CCDC28B: variants seen among roughly 807,000 people sequenced by gnomAD.
CCDC28B encodes the protein coiled-coil domain-containing protein 28B.
In CCDC28B, 17 loss-of-function variants were observed where a neutral mutation model predicts 18.7. The observed-to-expected ratio is 0.91, with a 90% CI of 0.62 to 1.36. The LOEUF is 1.36. CCDC28B is among the 40% of genes most tolerant of loss of function. The probability of loss-of-function intolerance (pLI) is 0.00; values close to 1 mark genes in which losing one functional copy is unlikely to be tolerated. For synonymous variants in CCDC28B, 116 were observed against 105.1 expected, an observed-to-expected ratio of 1.10 and a Z score of -0.64; for missense variants, 213 against 251.7, an observed-to-expected ratio of 0.85 and a Z score of 1.04.
At position 32,203,981 on chromosome 1, in the gene CCDC28B, T is replaced by C; in HGVS notation, c.267T>C (p.Tyr89=). Residue 89 remains tyrosine, a synonymous_variant, in exon 3 of 6, where the codon TAT becomes TAC. Transcript: ENST00000373602. ...TCCTGACCGAGGTGACTGATGTCTATGAGATGGAGGGGGGACTCCTGAACC... is the reference window on the plus strand; with the variant it reads ...TCCTGACCGAGGTGACTGATGTCTACGAGATGGAGGGGGGACTCCTGAACC... The part of the protein sequence containing the change: ...HSFLTEVTDV[Y]EMEGGLLNLL... 1 of 1,574,022 alleles carries C rather than the reference T, an allele frequency of 6.4e-7. No homozygotes were observed. The highest frequency in any genetic ancestry group is 8.6e-7 in the Non-Finnish European group (1 of 1,159,684).
chr1:32,203,459 A>G (rs1643203787), intron 2 of CCDC28B, among the ~76,000 whole-genome samples: 1 of 152,178 alleles, frequency 6.6e-6, no homozygotes, highest in African/African-American at 2.4e-5. Flanking sequence ...TCTGTCTCAA[A>G]AAACAAAAAA....
At chr1:32,198,826 CA>C (rs892027326), upstream of CCDC28B, among the ~76,000 whole-genome samples, 11 of 152,038 alleles carry the variant, frequency 7.2e-5, no homozygotes, top group Admixed American at 7.2e-4. Context: ...ATCCAGAGGG[CA>C]GGGGGGGCAA....
At chr1:32,202,556 GT>G in intron 2 of CCDC28B, 1 of 345,914 alleles carries the variant, frequency 2.9e-6, no homozygotes, top group Non-Finnish European at 5.7e-6. Context: ...CTTATAATGT[GT>G]CCATGTTTGT....
Position 32,204,768 on chromosome 1 carries a change from G to A in CCDC28B, c.548+148G>A, listed in dbSNP as rs772284698. On this transcript the variant is annotated intron_variant, in intron 5 of 5. Coordinates refer to ENST00000373602, the MANE Select transcript of CCDC28B (RefSeq NM_024296.5). ...TTAGCCACAGACTGCCCAAACCCAG[G>A]TACAGGAATTTAGAATTTCCCCAAA... 5.6e-6 allele frequency: 9 copies of A among 1,612,432 alleles called. No individual in the cohort carries two copies. The East Asian group carries it at 2.0e-4, about 36-fold the overall frequency.
Position 32,205,119 on chromosome 1 carries a change from T to G in CCDC28B, c.549-75T>G. On this transcript the variant is annotated intron_variant, in intron 5 of 5. Coordinates refer to ENST00000373602, the MANE Select transcript of CCDC28B (RefSeq NM_024296.5). This position sits in a 1 kb window ranked among gnomAD's most constrained non-coding sequence, Gnocchi z 5.6. ...CGGCCCTTTGCACAGGTGAGGGAAC[T>G]AAACCTGTGCAAGATGGGAGACCGG... 1.3e-6 allele frequency: 2 copies of G among 1,572,580 alleles called. No homozygotes were observed. The highest frequency in any genetic ancestry group is 2.3e-5 in the South Asian group (2 of 88,544).
In CCDC28B at chr1:32,203,881, T is replaced by G. The variant is rs574977655; in HGVS notation, c.167T>G (p.Val56Gly). Reference protein sequence around the residue: ...SPKQRAKFKRVGKEKCRPVLA... With the variant: ...SPKQRAKFKRGGKEKCRPVLA... Reference sequence around the variant, plus strand: ...ATGGTCATGTCCACCCCACCCAGAGTAGGCAAAGAGAAGTGCCGCCCAGTC... The same window carrying G: ...ATGGTCATGTCCACCCCACCCAGAGGAGGCAAAGAGAAGTGCCGCCCAGTC... Residue 56 changes from valine (V) to glycine (G), a missense_variant and splice_region_variant, in exon 3 of 6, where the codon GTA (valine) becomes GGA (glycine). Val to Gly is a moderately radical substitution (Grantham distance 109). Transcript: ENST00000373602. The G allele has an allele frequency of 2.6e-5, 39 of 1,496,144 alleles. No individual in the cohort carries two copies. In the South Asian group the frequency reaches 4.5e-4, roughly 17 times the overall value. The allele number at this position is 1,496,144 out of a possible 1,614,324, so 92.7% of individuals were successfully genotyped here.
upstream of CCDC28B, among the ~76,000 whole-genome samples, chr1:32,199,426 G>T (rs773271440): frequency 1.5e-4 from 23 of 152,126 alleles, no homozygotes; most frequent in Non-Finnish European, 1.5e-5. Flanking sequence ...TGAGAATAAT[G>T]AGGTTTCTGA....
At chr1:32,196,115 T>C (rs1643019892), upstream of CCDC28B, 1 of 158,996 alleles carries the variant, frequency 6.3e-6, no homozygotes, top group South Asian at 1.6e-4. Flanking sequence ...ACCACCCCAC[T>C]TGGCTCCTTT....
chr1:32,203,470 AAAG>A (rs1370326053), intron 2 of CCDC28B, among the ~76,000 whole-genome samples: 1 of 152,306 alleles, frequency 6.6e-6, no homozygotes, highest in South Asian at 2.1e-4. Flanking sequence ...AAACAAAAAA[AAAG>A]AAGAGGGGCA....
rs758497353 is a variant in CCDC28B at position 32,205,152 on chromosome 1, G to A, written c.549-42G>A. The A allele has an allele frequency of 5.7e-5, 91 of 1,609,812 alleles. 1 individual carries two copies. The highest frequency in any genetic ancestry group is 4.4e-5 in the Non-Finnish European group (52 of 1,177,396). On this transcript the variant is annotated intron_variant, in intron 5 of 5. Transcript: ENST00000373602. The surrounding 1 kb of genome is among the most constrained non-coding windows in gnomAD (Gnocchi z 5.6). ...TGCAAGATGGGAGACCGGGGTGGGA[G>A]GAAGGACTGGTCCAAAGCGCCACGA...
upstream of CCDC28B, among the ~76,000 whole-genome samples, chr1:32,199,227 T>G (rs1006295909): frequency 6.6e-6 from 1 of 152,176 alleles, no homozygotes; most frequent in Admixed American, 6.6e-5. Flanking sequence ...CCACCTGCCC[T>G]TCCCTCCAGG....
chr1:32,196,954 C>T (rs1407271681), upstream of CCDC28B: 1 of 152,264 alleles, frequency 6.6e-6, no homozygotes, highest in Non-Finnish European at 1.5e-5. Context: ...TCTGGTGTAT[C>T]CTTCACATCT....
intron 5 of CCDC28B, chr1:32,204,926 C>T: frequency 7.0e-7 from 1 of 1,430,938 alleles, no homozygotes; most frequent in South Asian, 1.5e-5. Flanking sequence ...ATTATTTTTA[C>T]TAATTTACAC....
At chr1:32,199,463 G>A (rs1370119701), upstream of CCDC28B, among the ~76,000 whole-genome samples, 1 of 152,168 alleles carries the variant, frequency 6.6e-6, no homozygotes, top group Non-Finnish European at 1.5e-5. Flanking sequence ...CTGAGGATGG[G>A]AACCACAGGG....
At chr1:32,199,850 G>A (rs752353340), upstream of CCDC28B, among the ~76,000 whole-genome samples, 12 of 152,306 alleles carry the variant, frequency 7.9e-5, no homozygotes, top group South Asian at 2.1e-4. Flanking sequence ...GGGGACCTGC[G>A]CCAGGAGCCT....
chr1:32,205,072 G>A lies in CCDC28B; in HGVS notation c.549-122G>A, dbSNP rs1024386880. ...GCGGGGACTGCAACCTCAGTCCACA[G>A]ACGGCCCGAGACCCTCGTCCCCGGC... On this transcript the variant is annotated intron_variant, in intron 5 of 5. Transcript: ENST00000373602. This position sits in a 1 kb window ranked among gnomAD's most constrained non-coding sequence, Gnocchi z 5.6. 9 of 1,286,376 alleles carry A rather than the reference G, an allele frequency of 7.0e-6. No homozygotes were observed. The highest frequency in any genetic ancestry group is 8.5e-6 in the Non-Finnish European group (8 of 936,454). 79.7% of individuals were successfully genotyped at this position (1,286,376 alleles called of 1,614,324 possible). A position where few individuals can be genotyped will look rare whatever the true frequency, so the allele number is the denominator to read the frequency against.
chr1:32,204,522 G>A lies in CCDC28B; in HGVS notation c.526-76G>A, dbSNP rs568557440. On this transcript the variant is annotated intron_variant, in intron 4 of 5. Coordinates refer to ENST00000373602, the MANE Select transcript of CCDC28B (RefSeq NM_024296.5). ...TCTGGGCCCCTCAACCTCCCCAGAAGATAGCCCCCAGAGCATTGGGGATTT... is the reference window on the plus strand; with the variant it reads ...TCTGGGCCCCTCAACCTCCCCAGAAAATAGCCCCCAGAGCATTGGGGATTT... 66 of 1,520,026 alleles carry A rather than the reference G, an allele frequency of 4.3e-5. No individual in the cohort carries two copies. In the African/African-American group the frequency reaches 8.2e-4, roughly 19 times the overall value. 94.2% of individuals were successfully genotyped at this position (1,520,026 alleles called of 1,614,324 possible).
chr1:32,202,034 C>T lies in CCDC28B; in HGVS notation c.99C>T (p.His33=), dbSNP rs1213801936. 1 of 1,614,040 alleles carries T rather than the reference C, an allele frequency of 6.2e-7. No homozygotes were observed. The highest frequency in any genetic ancestry group is 2.2e-5 in the East Asian group (1 of 44,888). Residue 33 remains histidine (H), a synonymous_variant, in exon 2 of 6, where the codon CAC becomes CAT. Coordinates refer to ENST00000373602, the MANE Select transcript of CCDC28B (RefSeq NM_024296.5). ...GGAGGGTCCCTGTGCCTACCAGCCA[C>T]AGCGGCTCCTTGGCCCTAGGACTTC... is the stretch of plus-strand genomic sequence containing the variant. ...TLRRVPVPTS[H]SGSLALGLPH...
chr1:32,203,759 T>G (rs1643215308), intron 2 of CCDC28B, 120 bp from the exon 3 acceptor site: 1 of 716,510 alleles, frequency 1.4e-6, no homozygotes, highest in Admixed American at 3.6e-5. Context: ...AGTAAGTAGA[T>G]GGGCAGATGA....
Sources: gnomAD v4.1 joint callset for allele counts (sites outside exome capture counted in the v4.1 genomes callset) on GRCh38, gnomAD v4.1.1 for gene constraint, Gnocchi (gnomAD v3.1) non-coding constraint, MANE v1.5 for transcripts, NCBI Gene and HGNC (gene_info 2026-07-23, HGNC 2026-07-21) for gene names.